Variants in PPP1R17 observed in about 807,000 individuals in gnomAD.
PPP1R17 encodes the protein protein phosphatase 1 regulatory subunit 17, also known as G-substrate.
In PPP1R17, 12 loss-of-function variants were observed where a neutral mutation model predicts 15.9. The ratio of observed to expected loss-of-function variants is 0.75; its 90% CI spans 0.48 to 1.22. The LOEUF (loss-of-function observed/expected upper bound fraction) is 1.22. Among genes scored for constraint, PPP1R17 ranks in the 50% most tolerant of loss-of-function variants. The pLI is 0.00. For missense variants in PPP1R17, 211 were observed against 187.3 expected (o/e 1.13, Z -0.74); for synonymous variants, 63 against 64.5 (o/e 0.98, Z 0.11).
At chr7:31,698,066 C>T (rs770451261) in intron 4 of PPP1R17, among the ~76,000 whole-genome samples, 1 of 152,186 alleles carries the variant, frequency 6.6e-6, no homozygotes, top group African/African-American at 2.4e-5. Context: ...CTAGGTCTAT[C>T]TCACCTTTGG....
Position 31,707,297 on chromosome 7 carries a change from G to C in PPP1R17, c.*14G>C. ...ATAGCTATTTAAAGATAGTTCCCCT[G>C]AGACCACTTGTAAATAGGTTAGATT... On this transcript the variant is annotated 3_prime_UTR_variant, in exon 5 of 5. Coordinates refer to ENST00000342032, the MANE Select transcript of PPP1R17 (RefSeq NM_006658.5). 1.9e-6 allele frequency: 3 copies of C among 1,605,724 alleles called. No homozygotes were observed. Among genetic ancestry groups the C allele is most frequent in the Non-Finnish European group, 2.6e-6 (3 of 1,172,816 alleles).
intron 2 of PPP1R17, among the ~76,000 whole-genome samples, chr7:31,694,247 T>C (rs976006640): frequency 6.6e-6 from 1 of 152,130 alleles, no homozygotes; most frequent in Non-Finnish European, 1.5e-5. Context: ...TTTATGAAGA[T>C]GGGAAGCTTT....
chr7:31,705,075 A>G (rs142788911), intron 4 of PPP1R17, among the ~76,000 whole-genome samples: 200 of 152,352 alleles, frequency 1.3e-3, no homozygotes, highest in African/African-American at 4.5e-3. Context: ...CTGTATTAAT[A>G]TAAAATGCTG....
chr7:31,704,999 T>C (rs924772136), intron 4 of PPP1R17, among the ~76,000 whole-genome samples: 1 of 152,178 alleles, frequency 6.6e-6, no homozygotes, highest in African/African-American at 2.4e-5. Flanking sequence ...ATGATATCCA[T>C]GAAATCAAGA....
chr7:31,694,000 G>A (rs1322771300), intron 2 of PPP1R17, among the ~76,000 whole-genome samples: 2 of 152,038 alleles, frequency 1.3e-5, no homozygotes, highest in South Asian at 2.1e-4. Flanking sequence ...GAATCCTAAC[G>A]GAATAGTTTC....
At position 31,695,555 on chromosome 7, in the gene PPP1R17, G is replaced by A. The variant is rs267601485; in HGVS notation, c.169G>A (p.Glu57Lys). 1.9e-6 allele frequency: 3 copies of A among 1,613,876 alleles called. No individual in the cohort carries two copies. Among genetic ancestry groups the A allele is most frequent in the Non-Finnish European group, 1.7e-6 (2 of 1,179,952 alleles). Residue 57 changes from glutamate (E) to lysine (K), a missense_variant, in exon 3 of 5, where the codon GAG becomes AAG. Transcript: ENST00000342032. The stretch of plus-strand genomic sequence containing the variant: ...AAATGTACAGGCCACCCTGAATGTT[G>A]AGTCAGACCAAAAAAAACCAAGGAG... ...GKNVQATLNV[E>K]SDQKKPRRKD... is the part of the protein sequence containing the mutation.
At chr7:31,704,106 C>T (rs918560862) in intron 4 of PPP1R17, among the ~76,000 whole-genome samples, 4 of 152,294 alleles carry the variant, frequency 2.6e-5, no homozygotes, top group Admixed American at 1.3e-4. Context: ...AGAGAATCCT[C>T]CTGGAAAATT....
intron 2 of PPP1R17, among the ~76,000 whole-genome samples, chr7:31,693,570 A>T (rs186398076): frequency 6.6e-6 from 1 of 152,308 alleles, no homozygotes; most frequent in Admixed American, 6.5e-5. Context: ...AAAGAGTATA[A>T]CACCGTTGTA....
In PPP1R17 at chr7:31,702,682, T is replaced by C. The variant is rs114523724; in HGVS notation, c.389-4522T>C. Among the ~76,000 whole-genome samples the C allele has an allele frequency of 6.6e-3, 1,000 of 152,350 alleles. 9 individuals are homozygous for C. Among genetic ancestry groups the C allele is most frequent in the African/African-American group, 0.023 (952 of 41,578 alleles). ...TCGCTGCTGCTTAAATTGACTTACA[T>C]CAACAACTTGCATGATGAATTCATG... On this transcript the variant is annotated intron_variant, in intron 4 of 4. Coordinates refer to ENST00000342032, the MANE Select transcript of PPP1R17 (RefSeq NM_006658.5).
At chr7:31,703,310 C>G (rs570002498) in intron 4 of PPP1R17, among the ~76,000 whole-genome samples, 167 of 152,336 alleles carry the variant, frequency 1.1e-3, no homozygotes, top group Non-Finnish European at 1.4e-3. Context: ...ATTCAAGGAA[C>G]AGCCTAACGG....
intron 4 of PPP1R17, 74 bp downstream of exon 4, chr7:31,697,191 C>G: frequency 6.4e-7 from 1 of 1,551,462 alleles, no homozygotes; most frequent in Non-Finnish European, 8.7e-7. Context: ...TGGAGGTCCC[C>G]AGGGCCTGGC....
intron 1 of PPP1R17, among the ~76,000 whole-genome samples, chr7:31,690,441 A>G (rs2128237688): frequency 6.6e-6 from 1 of 152,366 alleles, no homozygotes; most frequent in South Asian, 2.1e-4. Context: ...CTGTGTGGGC[A>G]CCACAAAGAT....
At chr7:31,696,841 T>C in intron 3 of PPP1R17, 124 bp from the exon 4 acceptor site, 1 of 1,103,870 alleles carries the variant, frequency 9.1e-7, no homozygotes, top group East Asian at 2.5e-5. Flanking sequence ...TCTTGCTTTA[T>C]TAAAGTAAGT....
At chr7:31,701,890 T>C (rs2128245779) in intron 4 of PPP1R17, among the ~76,000 whole-genome samples, 1 of 152,370 alleles carries the variant, frequency 6.6e-6, no homozygotes, top group Admixed American at 6.5e-5. Context: ...TACAGTATAG[T>C]GTAAGCCTAA....
At chr7:31,697,686 A>G (rs1223069415) in intron 4 of PPP1R17, among the ~76,000 whole-genome samples, 2 of 152,198 alleles carry the variant, frequency 1.3e-5, no homozygotes, top group African/African-American at 2.4e-5. Context: ...TCATGGCTAG[A>G]GTATGACTCT....
Position 31,707,291 on chromosome 7 carries a change from T to A in PPP1R17, c.*8T>A, listed in dbSNP as rs376658637. On this transcript the variant is annotated 3_prime_UTR_variant, in exon 5 of 5. Coordinates refer to ENST00000342032, the MANE Select transcript of PPP1R17 (RefSeq NM_006658.5). ...GACAAGATAGCTATTTAAAGATAGT[T>A]CCCCTGAGACCACTTGTAAATAGGT... 6.2e-7 allele frequency: 1 copy of A among 1,610,194 alleles called. No homozygotes were observed. The highest frequency in any genetic ancestry group is 8.5e-7 in the Non-Finnish European group (1 of 1,176,848).
intron 4 of PPP1R17, among the ~76,000 whole-genome samples, chr7:31,700,060 G>A (rs900476933): frequency 3.3e-5 from 5 of 152,118 alleles, no homozygotes; most frequent in African/African-American, 9.7e-5. Context: ...TCAACTGAAA[G>A]GAAGAGTTGC....
chr7:31,698,468 C>T (rs941312228), intron 4 of PPP1R17, among the ~76,000 whole-genome samples: 25 of 152,190 alleles, frequency 1.6e-4, no homozygotes, highest in African/African-American at 6.0e-4. Context: ...GACAACTCTC[C>T]CTCAGTTTCT....
In PPP1R17 at chr7:31,700,368, T is replaced by C. The variant is rs755375858; in HGVS notation, c.388+3251T>C. 5.4e-4 allele frequency among the ~76,000 whole-genome samples: 82 copies of C among 152,154 alleles called. 1 individual carries two copies. The highest frequency in any genetic ancestry group is 3.9e-4 in the Admixed American group (6 of 15,282). ...AAAGCCTAATCCAGAACAAGGTCCT[T>C]ACTCTCTTCAGTTATATGAAGGTTG... is the stretch of plus-strand genomic sequence containing the variant. On this transcript the variant is annotated intron_variant, in intron 4 of 4. Coordinates refer to ENST00000342032, the MANE Select transcript of PPP1R17 (RefSeq NM_006658.5).
Sources: allele counts gnomAD v4.1 joint callset (sites outside exome capture counted in the v4.1 genomes callset), GRCh38; gene constraint gnomAD v4.1.1; transcripts MANE v1.5; gene names NCBI Gene and HGNC (gene_info 2026-07-23, HGNC 2026-07-21).